The following PRPS2 variants were observed in gnomAD, a reference collection of about 807,000 sequenced individuals.
PRPS2 encodes the protein ribose-phosphate pyrophosphokinase 2.
For synonymous variants in PRPS2, 111 were observed against 115.3 expected, an observed-to-expected ratio of 0.96 and a Z score of 0.24; for missense variants, 104 against 271.5, an observed-to-expected ratio of 0.38 and a Z score of 4.34.
intron 2 of PRPS2, among the ~76,000 whole-genome samples, chrX:12,804,639 T>C (rs934318350): frequency 4.5e-5 from 5 of 111,251 alleles, no homozygotes; most frequent in African/African-American, 1.6e-4. Context: ...TGCTACTGTT[T>C]ACCAGTACAG....
rs778981445 is a variant in PRPS2, at chrX:12,791,457, TCCTCCGCCGCCG to T, written c.-39_-28del. On this transcript the variant is annotated 5_prime_UTR_variant, in exon 1 of 7. Transcript: ENST00000380668. ...CGCTGTCGCTGTTGCCTCCGCCACC[TCCTCCGCCGCCG>T]CGCGCCCCTCGGAGTTCCGCGCCCC... The T allele has an allele frequency of 1.7e-4, 200 of 1,179,857 alleles. 1 individual carries two copies. The highest frequency in any genetic ancestry group is 2.2e-4 in the Non-Finnish European group (194 of 879,355).
intron 4 of PRPS2, among the ~76,000 whole-genome samples, chrX:12,812,664 G>C (rs1266348): frequency 1.8e-5 from 2 of 110,842 alleles, no homozygotes; most frequent in Admixed American, 1.9e-4. Flanking sequence ...CTCCAAATAC[G>C]TACAGTTTAC....
chrX:12,820,104 T>TA (rs2042668488), intron 5 of PRPS2, among the ~76,000 whole-genome samples: 1 of 112,704 alleles, frequency 8.9e-6, no homozygotes, highest in Non-Finnish European at 1.9e-5. Context: ...TCTTGGAATA[T>TA]GGCCAGTCTG....
chrX:12,813,527 A>T (rs1000859446), intron 4 of PRPS2, among the ~76,000 whole-genome samples: 1 of 112,205 alleles, frequency 8.9e-6, no homozygotes, highest in African/African-American at 3.2e-5. Context: ...ACCAGTTGAC[A>T]TTCCATCATG....
chrX:12,796,301 A>G (rs1259402087), intron 1 of PRPS2, among the ~76,000 whole-genome samples: 4 of 103,834 alleles, frequency 3.9e-5, no homozygotes, highest in Non-Finnish European at 7.8e-5. Context: ...GCTCACTGCA[A>G]GCTCCGCCTC....
intron 1 of PRPS2, 36 bp downstream of exon 1, chrX:12,791,655 G>T (rs1031578813): frequency 2.1e-6 from 2 of 974,263 alleles, no homozygotes; most frequent in African/African-American, 4.1e-5. Flanking sequence ...TAGGGAGAGC[G>T]CTGGGCACGC....
At chrX:12,806,083 G>GAACAAAAAAAAAA (rs2042592193) in intron 2 of PRPS2, among the ~76,000 whole-genome samples, 1 of 88,039 alleles carries the variant, frequency 1.1e-5, no homozygotes. Flanking sequence ...GTCTCAAAAG[G>GAACAAAAAAAAAA]AAAAAAAAAA....
At chrX:12,821,452 G>A (rs957244504) in intron 6 of PRPS2, among the ~76,000 whole-genome samples, 1 of 109,129 alleles carries the variant, frequency 9.2e-6, no homozygotes, top group South Asian at 4.0e-4. Context: ...GTCTGGGGGT[G>A]GGGGGGGCAG....
intron 4 of PRPS2, among the ~76,000 whole-genome samples, chrX:12,816,827 A>G (rs1461261582): frequency 9.0e-6 from 1 of 111,590 alleles, no homozygotes; most frequent in Non-Finnish European, 1.9e-5. Flanking sequence ...CTCAGGTTGT[A>G]TAGTTTGGCT....
chrX:12,795,763 G>A (rs2042539960), intron 1 of PRPS2, among the ~76,000 whole-genome samples: 2 of 112,133 alleles, frequency 1.8e-5, no homozygotes, highest in South Asian at 3.7e-4. Flanking sequence ...TCCTATACTG[G>A]GGATTAAGCT....
In PRPS2 at chrX:12,791,480, G is replaced by A; in HGVS notation, c.-18G>A. 8.4e-7 allele frequency: 1 copy of A among 1,197,259 alleles called. No homozygotes were observed. The highest frequency in any genetic ancestry group is 1.1e-6 in the Non-Finnish European group (1 of 888,543). On this transcript the variant is annotated 5_prime_UTR_variant, in exon 1 of 7. Transcript: ENST00000380668. Reference sequence around the variant, plus strand: ...CCTCCTCCGCCGCCGCGCGCCCCTCGGAGTTCCGCGCCCCACCATGCCCAA... The same window carrying A: ...CCTCCTCCGCCGCCGCGCGCCCCTCAGAGTTCCGCGCCCCACCATGCCCAA...
At chrX:12,799,164 A>G (rs761148164) in intron 1 of PRPS2, 43 bp from the exon 2 acceptor site, 3 of 1,182,986 alleles carry the variant, frequency 2.5e-6, no homozygotes, top group Admixed American at 4.4e-5. Context: ...CCCAAGATGC[A>G]AATATGCTTC....
At chrX:12,793,899 G>A (rs1029330051) in intron 1 of PRPS2, among the ~76,000 whole-genome samples, 6 of 111,708 alleles carry the variant, frequency 5.4e-5, no homozygotes, top group Non-Finnish European at 1.1e-4. Flanking sequence ...GCAGGGAGAG[G>A]TCCGCTCCAG....
Position 12,802,977 on chromosome X carries a change from A to C in PRPS2, c.306+3587A>C, listed in dbSNP as rs1221961789. ...AGGAAGTCATGTGGTTTCTCGTTAG[A>C]GAACACAGCTAGGAAAGAAGGAATC... On this transcript the variant is annotated intron_variant, in intron 2 of 6. Coordinates refer to ENST00000380668, the MANE Select transcript of PRPS2 (RefSeq NM_002765.5). 2.7e-5 allele frequency among the ~76,000 whole-genome samples: 3 copies of C among 112,312 alleles called. No individual in the cohort carries two copies. The Admixed American group carries it at 2.8e-4, about 11-fold the overall frequency.
At chrX:12,814,065 C>G (rs912838700) in intron 4 of PRPS2, among the ~76,000 whole-genome samples, 23 of 53,450 alleles carry the variant, frequency 4.3e-4, no homozygotes, top group East Asian at 4.0e-3. Context: ...ATCCAGCCCC[C>G]CCACCCCCGA....
At chrX:12,793,597 C>G (rs2042529887) in intron 1 of PRPS2, among the ~76,000 whole-genome samples, 1 of 112,275 alleles carries the variant, frequency 8.9e-6, no homozygotes, top group South Asian at 3.7e-4. Context: ...ATGAACTGTA[C>G]AAGTACAGAG....
At chrX:12,816,175 T>C (rs1468437138) in intron 4 of PRPS2, among the ~76,000 whole-genome samples, 2 of 111,548 alleles carry the variant, frequency 1.8e-5, no homozygotes, top group Non-Finnish European at 3.8e-5. Context: ...TAGTAATGAT[T>C]CCCTTTGCTT....
intron 4 of PRPS2, among the ~76,000 whole-genome samples, chrX:12,812,205 G>T (rs2042627255): frequency 8.9e-6 from 1 of 112,282 alleles, no homozygotes; most frequent in African/African-American, 3.2e-5. Context: ...CATGGAATCT[G>T]CATTCAAATG....
intron 4 of PRPS2, among the ~76,000 whole-genome samples, chrX:12,812,789 C>T (rs1271985016): frequency 8.9e-6 from 1 of 111,732 alleles, no homozygotes; most frequent in African/African-American, 3.3e-5. Context: ...TACCCATTAG[C>T]AGTCACTCCC....
Sources: allele counts gnomAD v4.1 joint callset (sites outside exome capture counted in the v4.1 genomes callset), GRCh38; gene constraint gnomAD v4.1.1; transcripts MANE v1.5; gene names NCBI Gene and HGNC (gene_info 2026-07-23, HGNC 2026-07-21).